Variants in LARP4 observed in about 807,000 individuals in gnomAD.
LARP4 encodes la-related protein 4.
In LARP4, 29 loss-of-function variants were observed where a neutral mutation model predicts 92.9. The observed-to-expected ratio is 0.31, with a 90% CI of 0.23 to 0.43. LARP4 has a LOEUF of 0.43. Ranked by LOEUF, LARP4 falls within the 20% of genes least tolerant of loss-of-function variation. The pLI is 1.00. For synonymous variants in LARP4, 279 were observed against 284.1 expected (o/e 0.98, Z 0.18); for missense variants, 732 against 860.0 (o/e 0.85, Z 1.86).
At chr12:50,466,704 T>A (rs1019740266) in intron 12 of LARP4, among the ~76,000 whole-genome samples, 1 of 152,060 alleles carries the variant, frequency 6.6e-6, no homozygotes, top group Non-Finnish European at 1.5e-5. Context: ...TAAAGACTGG[T>A]TAGAAGGCTT....
chr12:50,426,684 GGTGTGTGTGTGTGT>G (rs762987529), intron 1 of LARP4, among the ~76,000 whole-genome samples: 1,705 of 86,158 alleles, frequency 0.02, 28 homozygotes, highest in Non-Finnish European at 0.027. Context: ...TTATGTTTGG[GGTGTGTGTGTGTGT>G]GTGTGTGTGT....
chr12:50,478,500 A>G lies in LARP4; in HGVS notation c.*2636A>G, dbSNP rs1430192996. 1 of 151,976 alleles carries G rather than the reference A, an allele frequency of 6.6e-6. No individual in the cohort carries two copies. The allele number at this position is 151,976 out of a possible 1,614,324, so 9.4% of individuals were successfully genotyped here. A position where few individuals can be genotyped will look rare whatever the true frequency, so the allele number is the denominator to read the frequency against. ...TGAGGGTGGATGTTCATTGTAGTTT[A>G]TTTATTTGGTTCTTTAGATGGAGGA... On this transcript the variant is annotated 3_prime_UTR_variant, in exon 16 of 16. Coordinates refer to ENST00000398473, the MANE Select transcript of LARP4 (RefSeq NM_052879.5).
chr12:50,454,470 T>A, intron 10 of LARP4, 53 bp downstream of exon 10: 1 of 1,313,628 alleles, frequency 7.6e-7, no homozygotes, highest in Non-Finnish European at 1.1e-6. Flanking sequence ...TAATGGATCT[T>A]AAGGCATTAA....
At chr12:50,440,376 C>A (rs1224248003) in intron 6 of LARP4, 63 bp from the exon 7 acceptor site, 4 of 1,209,026 alleles carry the variant, frequency 3.3e-6, no homozygotes, top group Non-Finnish European at 4.9e-6. Flanking sequence ...GTAAACAAAC[C>A]AACAAAAAAT....
intron 10 of LARP4, among the ~76,000 whole-genome samples, chr12:50,459,264 T>A (rs1954887732): frequency 6.6e-6 from 1 of 152,028 alleles, no homozygotes; most frequent in African/African-American, 2.4e-5. Context: ...TTCCCAAAGT[T>A]CTGGGATTAC....
intron 13 of LARP4, among the ~76,000 whole-genome samples, chr12:50,469,601 CA>C (rs757844912): frequency 0.017 from 1,103 of 65,534 alleles, 11 homozygotes; most frequent in African/African-American, 0.052. Flanking sequence ...GAGACTCTAT[CA>C]AAAAAAAAAA....
At chr12:50,419,864 C>T (rs1947444053) in intron 1 of LARP4, among the ~76,000 whole-genome samples, 1 of 152,038 alleles carries the variant, frequency 6.6e-6, no homozygotes, top group African/African-American at 2.4e-5. Context: ...GTGATCACGC[C>T]CCTGCGCTCC....
intron 1 of LARP4, among the ~76,000 whole-genome samples, chr12:50,417,969 G>T (rs546075441): frequency 2.6e-5 from 4 of 151,952 alleles, no homozygotes; most frequent in Non-Finnish European, 4.4e-5. Flanking sequence ...CAAGCGATTC[G>T]CCTGCCTCAG....
chr12:50,470,404 A>G (rs570990716), intron 13 of LARP4, among the ~76,000 whole-genome samples: 2 of 152,214 alleles, frequency 1.3e-5, no homozygotes, highest in South Asian at 4.1e-4. Context: ...GATGATACAC[A>G]AACACACATA....
chr12:50,464,349 C>A (rs1955860104), intron 12 of LARP4, among the ~76,000 whole-genome samples: 1 of 152,152 alleles, frequency 6.6e-6, no homozygotes, highest in South Asian at 2.1e-4. Context: ...GAGAAGAAAC[C>A]CATTTTCAAA....
chr12:50,432,531 C>T (rs1005737368), intron 4 of LARP4, among the ~76,000 whole-genome samples: 5 of 152,104 alleles, frequency 3.3e-5, no homozygotes. Context: ...TGAGATTTAG[C>T]TCTTTAACTT....
intron 12 of LARP4, among the ~76,000 whole-genome samples, chr12:50,466,250 A>G (rs1358357573): frequency 2.0e-5 from 3 of 152,078 alleles, no homozygotes; most frequent in Admixed American, 6.6e-5. Context: ...GACAGGAGGG[A>G]AGCATGAGAT....
chr12:50,468,087 C>G (rs1056447783), intron 13 of LARP4, among the ~76,000 whole-genome samples: 1 of 151,636 alleles, frequency 6.6e-6, no homozygotes, highest in African/African-American at 2.4e-5. Flanking sequence ...TCAAGCAGTT[C>G]TCCTCCCTCA....
chr12:50,433,490 C>G (rs917446124), intron 4 of LARP4, among the ~76,000 whole-genome samples: 1 of 152,070 alleles, frequency 6.6e-6, no homozygotes, highest in Non-Finnish European at 1.5e-5. Flanking sequence ...ATTTGATTTA[C>G]TTCTGACAAG....
intron 1 of LARP4, among the ~76,000 whole-genome samples, chr12:50,417,996 G>A (rs1375563305): frequency 6.6e-6 from 1 of 152,200 alleles, no homozygotes; most frequent in African/African-American, 2.4e-5. Context: ...AAGTACCTGG[G>A]ATTACAGGCA....
intron 1 of LARP4, chr12:50,402,569 T>C (rs575253898): frequency 1.6e-5 from 4 of 256,370 alleles, no homozygotes; most frequent in Non-Finnish European, 2.3e-5. Context: ...GACTTCCAAA[T>C]TGATTCCTTT....
chr12:50,402,215 A>G (rs751303612), intron 1 of LARP4, among the ~76,000 whole-genome samples: 1 of 152,098 alleles, frequency 6.6e-6, no homozygotes, highest in Non-Finnish European at 1.5e-5. Flanking sequence ...TCTTTAAACT[A>G]ACTGATATTG....
At chr12:50,404,799 C>T (rs555174485) in intron 1 of LARP4, among the ~76,000 whole-genome samples, 10 of 150,964 alleles carry the variant, frequency 6.6e-5, no homozygotes, top group African/African-American at 1.9e-4. Flanking sequence ...AAGTGATTCT[C>T]CTGCCTCAGC....
At chr12:50,414,859 T>C (rs1283194346) in intron 1 of LARP4, among the ~76,000 whole-genome samples, 1 of 152,216 alleles carries the variant, frequency 6.6e-6, no homozygotes, top group Non-Finnish European at 1.5e-5. Flanking sequence ...GGTTCAATAC[T>C]GTACTATACA....
Sources: allele counts gnomAD v4.1 joint callset (sites outside exome capture counted in the v4.1 genomes callset), GRCh38; gene constraint gnomAD v4.1.1; transcripts MANE v1.5; gene names NCBI Gene and HGNC (gene_info 2026-07-23, HGNC 2026-07-21).